The following EDN3 variants were observed in gnomAD, a reference collection of about 807,000 sequenced individuals.
The protein encoded by EDN3 is endothelin-3.
EDN3 carries 9 observed loss-of-function variants against 21.4 expected under a neutral mutation model. The ratio of observed to expected loss-of-function variants is 0.42; its 90% CI spans 0.25 to 0.73. The LOEUF (loss-of-function observed/expected upper bound fraction) is 0.73, where lower values mean the gene tolerates loss of function less well. Among genes scored for constraint, EDN3 ranks in the 30% least tolerant of loss-of-function variants. EDN3 has a pLI of 0.26. For synonymous variants in EDN3, 133 were observed against 126.2 expected, an observed-to-expected ratio of 1.05 and a Z score of -0.36; for missense variants, 327 against 309.4, an observed-to-expected ratio of 1.06 and a Z score of -0.43.
intron 2 of EDN3, among the ~76,000 whole-genome samples, chr20:59,304,422 C>T (rs1449696201): frequency 6.6e-6 from 1 of 152,226 alleles, no homozygotes; most frequent in Admixed American, 6.5e-5. Flanking sequence ...CAAACTTCTC[C>T]ACCAGGTGTG....
At position 59,301,414 on chromosome 20, in the gene EDN3, C is replaced by A. The variant is rs532453805; in HGVS notation, c.57C>A (p.Phe19Leu). ...CCCTCAATCTGCCTTCTGCAGGATT[C>A]GTGCCTTGCTCCCAGTCTGGGGATG... ...FGLTVTSAAG[F>L]VPCSQSGDAG... The change falls in exon 2 of 5, where the codon TTC becomes TTA. Residue 19 changes from phenylalanine (F) to leucine (L), a missense_variant. Phe to Leu is a conservative substitution (Grantham distance 22, BLOSUM62 0). Coordinates refer to ENST00000337938, the MANE Select transcript of EDN3 (RefSeq NM_207034.3). 1.2e-6 allele frequency: 2 copies of A among 1,610,120 alleles called. No homozygotes were observed. The highest frequency in any genetic ancestry group is 3.3e-5 in the Admixed American group (2 of 60,034).
At chr20:59,304,220 C>T (rs570113319) in intron 2 of EDN3, among the ~76,000 whole-genome samples, 46 of 152,230 alleles carry the variant, frequency 3.0e-4, no homozygotes, top group African/African-American at 9.6e-4. Flanking sequence ...AGAAAATGGG[C>T]TGTGGTGACA....
intron 2 of EDN3, among the ~76,000 whole-genome samples, chr20:59,312,471 G>C (rs185875254): frequency 3.2e-4 from 48 of 152,272 alleles, no homozygotes; most frequent in African/African-American, 1.1e-3. Context: ...CTTCCTCCAA[G>C]TATCCTTAAG....
intron 1 of EDN3, 87 bp from the exon 2 acceptor site, chr20:59,301,323 C>T (rs1371354032): frequency 1.5e-5 from 22 of 1,500,014 alleles, no homozygotes; most frequent in Non-Finnish European, 1.8e-5. Flanking sequence ...TTTGCTTGCT[C>T]CACCCCCCTC....
chr20:59,315,190 G>C (rs1990097263), intron 2 of EDN3, among the ~76,000 whole-genome samples: 1 of 152,228 alleles, frequency 6.6e-6, no homozygotes, highest in Admixed American at 6.5e-5. Flanking sequence ...CTGAAATTGA[G>C]CTGTAGTTAG....
At chr20:59,319,652 G>T (rs1056107152) in intron 2 of EDN3, among the ~76,000 whole-genome samples, 2 of 151,512 alleles carry the variant, frequency 1.3e-5, no homozygotes, top group African/African-American at 4.9e-5. Flanking sequence ...CTTGAATCGG[G>T]GAGGCAGAGG....
At chr20:59,316,662 T>C (rs1293420063) in intron 2 of EDN3, among the ~76,000 whole-genome samples, 1 of 152,266 alleles carries the variant, frequency 6.6e-6, no homozygotes, top group Non-Finnish European at 1.5e-5. Flanking sequence ...AGTGTGGTGT[T>C]GCAGATGAAG....
At position 59,322,562 on chromosome 20, in the gene EDN3, C is replaced by A; in HGVS notation, c.588+145C>A. 1 of 1,099,434 alleles carries A rather than the reference C, an allele frequency of 9.1e-7. No homozygotes were observed. Among genetic ancestry groups the A allele is most frequent in the Non-Finnish European group, 1.4e-6 (1 of 731,384 alleles). The allele number at this position is 1,099,434 out of a possible 1,614,324, so 68.1% of individuals were successfully genotyped here. On this transcript the variant is annotated intron_variant, in intron 4 of 4. Transcript: ENST00000337938. This position sits in a 1 kb window ranked among gnomAD's most constrained non-coding sequence, Gnocchi z 4.1. Reference sequence around the variant, plus strand: ...CAGATCTCATGGGATGCTGCACCCACAAGCAATGGTGCCTTTGGTGGACCG... The same window carrying A: ...CAGATCTCATGGGATGCTGCACCCAAAAGCAATGGTGCCTTTGGTGGACCG...
In EDN3 at chr20:59,321,301, T is replaced by C; in HGVS notation, c.542+108T>C. 2.3e-6 allele frequency: 3 copies of C among 1,304,856 alleles called. No individual in the cohort carries two copies. In the South Asian group the frequency reaches 3.6e-5, roughly 16 times the overall value. 80.8% of individuals were successfully genotyped at this position (1,304,856 alleles called of 1,614,324 possible). The stretch of plus-strand genomic sequence containing the variant: ...GGTGTAGGATAGTTCAGTCACATCC[T>C]GACCTACTGTCGTCCTGTGGGCCAG... On this transcript the variant is annotated intron_variant, in intron 3 of 4. Transcript: ENST00000337938.
rs1446026720 is a variant in EDN3, at chr20:59,305,121, G to A, written c.365+3399G>A. Among the ~76,000 whole-genome samples the A allele has an allele frequency of 2.0e-5, 3 of 152,214 alleles. No homozygotes were observed. The highest frequency in any genetic ancestry group is 1.9e-4 in the East Asian group (1 of 5,182). On this transcript the variant is annotated intron_variant, in intron 2 of 4. Transcript: ENST00000337938. The surrounding 1 kb of genome is among the most constrained non-coding windows in gnomAD (Gnocchi z 4.2). ...TGTGATATCTTCCCAAAAGTCCATC[G>A]CCCCAAAGAGGAACCAAATTTATAC... is the stretch of plus-strand genomic sequence containing the variant.
Position 59,321,142 on chromosome 20 carries a change from G to T in EDN3, c.491G>T (p.Arg164Ile). 1 of 1,614,242 alleles carries T rather than the reference G, an allele frequency of 6.2e-7. No individual in the cohort carries two copies. The highest frequency in any genetic ancestry group is 8.5e-7 in the Non-Finnish European group (1 of 1,180,048). Residue 164 changes from arginine to isoleucine, a missense_variant, in exon 3 of 5, where the codon AGA (arginine) becomes ATA (isoleucine). Coordinates refer to ENST00000337938, the MANE Select transcript of EDN3 (RefSeq NM_207034.3). ...CACTTGCGCTGCGCTTGTGTGGGGA[G>T]ATATGACAAGGCCTGCCTGCACTTT... is the stretch of plus-strand genomic sequence containing the variant. ...RPHLRCACVG[R>I]YDKACLHFCT...
chr20:59,325,273 A>G lies in EDN3; in HGVS notation c.*814A>G, dbSNP rs1360453977. ...AGGTTGAATATTTGCTTTCATGAGTAAATGTGGATCTTTGGGGAATGGCTT... is the reference window on the plus strand; with the variant it reads ...AGGTTGAATATTTGCTTTCATGAGTGAATGTGGATCTTTGGGGAATGGCTT... On this transcript the variant is annotated 3_prime_UTR_variant, in exon 5 of 5. Coordinates refer to ENST00000337938, the MANE Select transcript of EDN3 (RefSeq NM_207034.3). The G allele has an allele frequency of 1.3e-5, 2 of 152,590 alleles. No homozygotes were observed. The highest frequency in any genetic ancestry group is 2.9e-5 in the Non-Finnish European group (2 of 68,050). 9.5% of individuals were successfully genotyped at this position (152,590 alleles called of 1,614,324 possible).
intron 2 of EDN3, among the ~76,000 whole-genome samples, chr20:59,304,381 C>A (rs991919245): frequency 6.6e-6 from 1 of 152,204 alleles, no homozygotes; most frequent in East Asian, 1.9e-4. Context: ...TGCTGTCACG[C>A]CCTCTTCATT....
chr20:59,321,261 G>A (rs1039369292), intron 3 of EDN3, 68 bp downstream of exon 3: 3 of 1,559,862 alleles, frequency 1.9e-6, no homozygotes, highest in Non-Finnish European at 2.7e-6. Context: ...CCAGGCCAGG[G>A]GCTTCTCAAA....
Position 59,322,312 on chromosome 20 carries a change from C to G in EDN3, c.543-60C>G, listed in dbSNP as rs190615477. On this transcript the variant is annotated intron_variant, in intron 3 of 4. Transcript: ENST00000337938. The surrounding 1 kb of genome is among the most constrained non-coding windows in gnomAD (Gnocchi z 4.1). ...GGAAGAGGAAGTCATAATTTGACAC[C>G]GAAAAACCAGCCACAGGGAAAGGCA... 7 of 1,603,862 alleles carry G rather than the reference C, an allele frequency of 4.4e-6. No homozygotes were observed. Among genetic ancestry groups the G allele is most frequent in the Non-Finnish European group, 5.1e-6 (6 of 1,170,824 alleles).
Position 59,300,804 on chromosome 20 carries a change from T to C in EDN3, c.-9T>C, listed in dbSNP as rs1449206109. 1.2e-6 allele frequency: 2 copies of C among 1,610,086 alleles called. No individual in the cohort carries two copies. Among genetic ancestry groups the C allele is most frequent in the South Asian group, 2.2e-5 (2 of 90,768 alleles). On this transcript the variant is annotated 5_prime_UTR_variant, in exon 1 of 5. Coordinates refer to ENST00000337938, the MANE Select transcript of EDN3 (RefSeq NM_207034.3). ...CCTGGTCCGGTGCTCCGGCGCCTGA[T>C]CTAGGTTCATGGAGCCGGGGCTGTG... is the stretch of plus-strand genomic sequence containing the variant.
At chr20:59,311,896 T>G (rs1226649387) in intron 2 of EDN3, among the ~76,000 whole-genome samples, 1 of 152,190 alleles carries the variant, frequency 6.6e-6, no homozygotes, top group Non-Finnish European at 1.5e-5. Flanking sequence ...GAGCGTATCT[T>G]TACGGTCATT....
At position 59,325,215 on chromosome 20, in the gene EDN3, C is replaced by T. The variant is rs763311172; in HGVS notation, c.*756C>T. 3 of 152,290 alleles carry T rather than the reference C, an allele frequency of 2.0e-5. No individual in the cohort carries two copies. The highest frequency in any genetic ancestry group is 6.5e-5 in the Admixed American group (1 of 15,282). The allele number at this position is 152,290 out of a possible 1,614,324, so 9.4% of individuals were successfully genotyped here. A position where few individuals can be genotyped will look rare whatever the true frequency, so the allele number is the denominator to read the frequency against. ...TTCCCAGGCCTTGTTTGCAGGAAGC[C>T]GACTGTAAAGACAGCCCCAGCTCAA... On this transcript the variant is annotated 3_prime_UTR_variant, in exon 5 of 5. Transcript: ENST00000337938.
In EDN3 at chr20:59,301,599, A is replaced by G; in HGVS notation, c.242A>G (p.Gln81Arg). 1.2e-6 allele frequency: 2 copies of G among 1,614,020 alleles called. No homozygotes were observed. Among genetic ancestry groups the G allele is most frequent in the Non-Finnish European group, 8.5e-7 (1 of 1,179,974 alleles). Residue 81 changes from glutamine to arginine, a missense_variant, in exon 2 of 5, where the codon CAG (glutamine) becomes CGG (arginine). By Grantham distance (43) the Gln-to-Arg change is conservative (BLOSUM62 1). Transcript: ENST00000337938. ...GGTCCAAGCCCTGGAAGCCCTGGGCAGGAGCAGGCGGCCGAGGGGGCCCCT... is the reference window on the plus strand; with the variant it reads ...GGTCCAAGCCCTGGAAGCCCTGGGCGGGAGCAGGCGGCCGAGGGGGCCCCT... ...LQGPSPGSPG[Q>R]EQAAEGAPEH... is the part of the protein sequence containing the mutation.
Sources: allele counts gnomAD v4.1 joint callset (sites outside exome capture counted in the v4.1 genomes callset), GRCh38; gene constraint gnomAD v4.1.1; non-coding constraint Gnocchi (gnomAD v3.1); transcripts MANE v1.5; gene names NCBI Gene and HGNC (gene_info 2026-07-23, HGNC 2026-07-21).